The following NIPSNAP2 variants were observed in gnomAD, a reference collection of about 807,000 sequenced individuals.
NIPSNAP2 encodes the protein protein NipSnap homolog 2.
In NIPSNAP2, 42 loss-of-function variants were observed where a neutral mutation model predicts 48.4. The observed-to-expected ratio is 0.87, with a 90% confidence interval of 0.68 to 1.12. The LOEUF (loss-of-function observed/expected upper bound fraction) is 1.12. Among genes scored for constraint, NIPSNAP2 ranks in the 50% most tolerant of loss-of-function variants. NIPSNAP2 has a pLI of 0.00. For missense variants in NIPSNAP2, 314 were observed against 347.3 expected (o/e 0.90, Z 0.76); for synonymous variants, 158 against 126.6 (o/e 1.25, Z -1.67).
In NIPSNAP2 at chr7:55,981,469, T is replaced by C. The variant is rs1326897846; in HGVS notation, c.279-4T>C. On this transcript the variant is annotated splice_region_variant and splice_polypyrimidine_tract_variant and intron_variant, in intron 3 of 9. Coordinates refer to ENST00000322090, the MANE Select transcript of NIPSNAP2 (RefSeq NM_001483.3). ...AATTAGTGTTGCTGTTTCTTCTCTT[T>C]AAGTCAAGAGGTGTTGCCAAAGATT... is the stretch of plus-strand genomic sequence containing the variant. 1.7e-5 allele frequency: 28 copies of C among 1,611,200 alleles called. No homozygotes were observed. Among genetic ancestry groups the C allele is most frequent in the Non-Finnish European group, 2.3e-5 (27 of 1,177,828 alleles).
chr7:55,975,707 G>A (rs1787094837), intron 1 of NIPSNAP2, among the ~76,000 whole-genome samples: 1 of 152,120 alleles, frequency 6.6e-6, no homozygotes, highest in Non-Finnish European at 1.5e-5. Context: ...AAGAAGATGA[G>A]GGAAACGCTG....
chr7:55,977,377 C>T (rs1045268204), intron 1 of NIPSNAP2, among the ~76,000 whole-genome samples: 3 of 151,894 alleles, frequency 2.0e-5, no homozygotes, highest in Admixed American at 6.6e-5. Context: ...GGCGATAGAG[C>T]GAGACTCCAT....
intron 1 of NIPSNAP2, among the ~76,000 whole-genome samples, chr7:55,973,531 A>G (rs563042559): frequency 6.6e-6 from 1 of 152,054 alleles, no homozygotes; most frequent in East Asian, 1.9e-4. Flanking sequence ...GCTGGAGTGC[A>G]GTGGCACGAC....
chr7:55,973,965 T>C lies in NIPSNAP2; in HGVS notation c.93-4161T>C, dbSNP rs370717669. 2.6e-5 allele frequency among the ~76,000 whole-genome samples: 4 copies of C among 152,216 alleles called. No individual in the cohort carries two copies. In the East Asian group the frequency reaches 5.8e-4, roughly 22 times the overall value. On this transcript the variant is annotated intron_variant, in intron 1 of 9. Transcript: ENST00000322090. The stretch of plus-strand genomic sequence containing the variant: ...CTAGGCTGAGTGCGGCAGCTCACCC[T>C]TGCAATCTCAGCACTCTGGGAGGCT...
intron 3 of NIPSNAP2, chr7:55,979,905 A>T (rs1303160152): frequency 2.2e-6 from 1 of 455,238 alleles, no homozygotes; most frequent in Non-Finnish European, 4.4e-6. Flanking sequence ...AGGGCTCCTA[A>T]GAGCAGGTTT....
intron 1 of NIPSNAP2, among the ~76,000 whole-genome samples, chr7:55,974,193 C>T (rs1001359434): frequency 7.9e-5 from 12 of 151,664 alleles, no homozygotes; most frequent in Non-Finnish European, 1.5e-4. Flanking sequence ...CTACTGCACT[C>T]CAGCAAGTGC....
intron 6 of NIPSNAP2, 67 bp from the exon 7 acceptor site, chr7:55,984,780 T>C: frequency 7.9e-7 from 1 of 1,261,596 alleles, no homozygotes; most frequent in Non-Finnish European, 1.1e-6. Context: ...TTTCTACTGC[T>C]GTTTGCTATT....
chr7:55,978,121 C>T lies in NIPSNAP2; in HGVS notation c.93-5C>T. The T allele has an allele frequency of 6.2e-7, 1 of 1,613,906 alleles. No individual in the cohort carries two copies. Among genetic ancestry groups the T allele is most frequent in the Non-Finnish European group, 8.5e-7 (1 of 1,179,958 alleles). On this transcript the variant is annotated splice_region_variant and splice_polypyrimidine_tract_variant and intron_variant, in intron 1 of 9. Coordinates refer to ENST00000322090, the MANE Select transcript of NIPSNAP2 (RefSeq NM_001483.3). ...CTGCGTGACAACACCTTTGTTATTCCATAGGACATGGACATCTTCCAGCAA... is the reference window on the plus strand; with the variant it reads ...CTGCGTGACAACACCTTTGTTATTCTATAGGACATGGACATCTTCCAGCAA...
At chr7:55,982,860 T>TG (rs1187418894) in intron 5 of NIPSNAP2, among the ~76,000 whole-genome samples, 9 of 147,496 alleles carry the variant, frequency 6.1e-5, no homozygotes, top group Admixed American at 4.7e-4. Flanking sequence ...CGGTAACTCA[T>TG]GCTTGTAATC....
At chr7:55,973,411 C>A (rs998202055) in intron 1 of NIPSNAP2, among the ~76,000 whole-genome samples, 2 of 151,668 alleles carry the variant, frequency 1.3e-5, no homozygotes, top group Non-Finnish European at 2.9e-5. Flanking sequence ...TGAAAACGTG[C>A]TTTTATATTT....
intron 5 of NIPSNAP2, among the ~76,000 whole-genome samples, chr7:55,983,019 A>T (rs1017257644): frequency 2.0e-5 from 3 of 152,240 alleles, no homozygotes; most frequent in African/African-American, 7.2e-5. Flanking sequence ...GCCACTCGGG[A>T]GGCTGAGGCA....
chr7:55,976,839 A>G (rs1023607722), intron 1 of NIPSNAP2, among the ~76,000 whole-genome samples: 1 of 152,146 alleles, frequency 6.6e-6, no homozygotes, highest in Non-Finnish European at 1.5e-5. Context: ...AGTGAACTAC[A>G]GTGAGCTATC....
intron 7 of NIPSNAP2, among the ~76,000 whole-genome samples, chr7:55,989,768 T>A (rs903755214): frequency 1.3e-5 from 2 of 152,136 alleles, no homozygotes; most frequent in Non-Finnish European, 2.9e-5. Context: ...GGTGTTTTCT[T>A]TTTACCAGTC....
At chr7:55,974,432 C>G (rs1456467309) in intron 1 of NIPSNAP2, among the ~76,000 whole-genome samples, 1 of 152,004 alleles carries the variant, frequency 6.6e-6, no homozygotes, top group Non-Finnish European at 1.5e-5. Flanking sequence ...GAGAGTTTTT[C>G]TTGTCCCTTG....
At chr7:55,997,505 C>A in intron 9 of NIPSNAP2, 56 bp downstream of exon 9, 2 of 1,347,048 alleles carry the variant, frequency 1.5e-6, no homozygotes, top group South Asian at 2.3e-5. Flanking sequence ...CAATCATGTT[C>A]TTTCACCCTG....
intron 7 of NIPSNAP2, among the ~76,000 whole-genome samples, 171 bp downstream of exon 7, chr7:55,985,049 G>A (rs965133109): frequency 1.3e-5 from 2 of 152,106 alleles, no homozygotes; most frequent in Admixed American, 6.6e-5. Context: ...AAACTAGAGA[G>A]AATAATGGGG....
At chr7:55,990,748 CT>C (rs936764414) in intron 7 of NIPSNAP2, among the ~76,000 whole-genome samples, 7 of 148,634 alleles carry the variant, frequency 4.7e-5, no homozygotes, top group Admixed American at 6.7e-5. Context: ...ACCTTTTTGC[CT>C]TTTTTTTTAA....
intron 1 of NIPSNAP2, among the ~76,000 whole-genome samples, chr7:55,975,748 C>G (rs1787095675): frequency 6.6e-6 from 1 of 152,078 alleles, no homozygotes; most frequent in African/African-American, 2.4e-5. Context: ...ACATAAAGTT[C>G]AGAAGAGGGC....
In NIPSNAP2 at chr7:55,964,623, T is replaced by G. The variant is rs1786850528; in HGVS notation, c.14T>G (p.Val5Gly). MAAR[V>G]LRARGAAWAG... ...GCGCCGAGCAAGATGGCGGCGCGAGTGCTGCGCGCCCGCGGAGCGGCCTGG... is the reference window on the plus strand; with the variant it reads ...GCGCCGAGCAAGATGGCGGCGCGAGGGCTGCGCGCCCGCGGAGCGGCCTGG... The change falls in exon 1 of 10, where the codon GTG becomes GGG. Residue 5 changes from valine to glycine, a missense_variant. Val to Gly is a moderately radical substitution (Grantham distance 109). Around this residue, in one of 2 missense-constraint regions of NIPSNAP2, gnomAD observed 198 missense variants for 185.5 expected, o/e 1.07. Coordinates refer to ENST00000322090, the MANE Select transcript of NIPSNAP2 (RefSeq NM_001483.3). The G allele has an allele frequency of 1.9e-6, 2 of 1,052,234 alleles. No homozygotes were observed. The highest frequency in any genetic ancestry group is 7.3e-5 in the East Asian group (1 of 13,666). The allele number at this position is 1,052,234 out of a possible 1,614,324, so 65.2% of individuals were successfully genotyped here.
Sources: gnomAD v4.1 joint callset for allele counts (sites outside exome capture counted in the v4.1 genomes callset) on GRCh38, gnomAD v4.1.1 for gene constraint, gnomAD v4.1.1 regional missense constraint, MANE v1.5 for transcripts, NCBI Gene and HGNC (gene_info 2026-07-23, HGNC 2026-07-21) for gene names.